The following RYR2 variants were observed in gnomAD, a reference collection of about 807,000 sequenced individuals.
The protein encoded by RYR2 is ryanodine receptor 2, also known as cardiac muscle ryanodine receptor-calcium release channel.
A neutral mutation model predicts 601.1 loss-of-function variants in RYR2; 227 were observed. That is an observed-to-expected ratio of 0.38 (90% CI 0.34 to 0.42). The LOEUF is 0.42. RYR2 is among the 10% of genes least tolerant of loss of function. The pLI is 1.00. For synonymous variants in RYR2, 2,223 were observed against 2,175.1 expected (o/e 1.02, Z -0.61); for missense variants, 4,646 against 6,156.5 (o/e 0.75, Z 8.21).
At chr1:237,335,127 C>T (rs777258369) in intron 3 of RYR2, among the ~76,000 whole-genome samples, 3 of 152,148 alleles carry the variant, frequency 2.0e-5, no homozygotes, top group Non-Finnish European at 4.4e-5. Context: ...CCAGTATTCT[C>T]ATCAATCCTG....
Position 237,666,704 on chromosome 1 carries a change from A to G in RYR2, c.8514+115A>G, listed in dbSNP as rs374361558. ...GTTTATTTGAATGTGGCGATCTATA[A>G]TGGATCCATGGAATTTATAGATTAT... On this transcript the variant is annotated intron_variant, in intron 57 of 104. Coordinates refer to ENST00000366574, the MANE Select transcript of RYR2 (RefSeq NM_001035.3). 415 of 769,606 alleles carry G rather than the reference A, an allele frequency of 5.4e-4. 3 individuals carry two copies. In the East Asian group the frequency reaches 0.011, roughly 21 times the overall value. The allele number at this position is 769,606 out of a possible 1,614,324, so 47.7% of individuals were successfully genotyped here.
intron 15 of RYR2, among the ~76,000 whole-genome samples, chr1:237,455,733 C>T (rs924152538): frequency 3.9e-5 from 6 of 152,090 alleles, no homozygotes; most frequent in Admixed American, 6.6e-5. Context: ...ACTGGGTATT[C>T]AAAAGAGATG....
rs534855125 is a variant in RYR2, at chr1:237,224,863, C to CA, written c.49-45626dup. Among the ~76,000 whole-genome samples, 74 of 151,858 alleles carry CA rather than the reference C, an allele frequency of 4.9e-4. 1 individual carries two copies. Among genetic ancestry groups the CA allele is most frequent in the Middle Eastern group, 6.8e-3 (2 of 292 alleles). Reference sequence around the variant, plus strand: ...TGACAGAGCAAGACTTTGTCATTTACAAAAAAAATTATAAGTTACTATTTT... The same window carrying CA: ...TGACAGAGCAAGACTTTGTCATTTACAAAAAAAAATTATAAGTTACTATTTT... On this transcript the variant is annotated intron_variant, in intron 1 of 104. Coordinates refer to ENST00000366574, the MANE Select transcript of RYR2 (RefSeq NM_001035.3).
At chr1:237,465,570 C>T (rs1191890592) in intron 16 of RYR2, among the ~76,000 whole-genome samples, 1 of 152,130 alleles carries the variant, frequency 6.6e-6, no homozygotes, top group African/African-American at 2.4e-5. Context: ...CACAAACCTC[C>T]GTGTTATAGC....
intron 3 of RYR2, among the ~76,000 whole-genome samples, chr1:237,351,695 C>G (rs1180764442): frequency 2.0e-5 from 3 of 151,658 alleles, no homozygotes; most frequent in Non-Finnish European, 4.4e-5. Flanking sequence ...ATAATTAAAG[C>G]CTTCTCACAA....
intron 60 of RYR2, among the ~76,000 whole-genome samples, chr1:237,675,600 C>T (rs953221846): frequency 6.6e-5 from 10 of 152,094 alleles, no homozygotes; most frequent in Non-Finnish European, 1.3e-4. Context: ...TTTTCATTTT[C>T]GTTCTCGACG....
intron 77 of RYR2, among the ~76,000 whole-genome samples, chr1:237,731,338 T>C (rs1482854338): frequency 6.6e-6 from 1 of 152,086 alleles, no homozygotes; most frequent in East Asian, 1.9e-4. Flanking sequence ...TTCCTCGCTA[T>C]TAAAGTTCTA....
intron 25 of RYR2, among the ~76,000 whole-genome samples, chr1:237,540,165 CTAGAGT>C (rs1443783519): frequency 6.6e-6 from 1 of 151,828 alleles, no homozygotes; most frequent in Non-Finnish European, 1.5e-5. Flanking sequence ...TTTGATGAGC[CTAGAGT>C]TAAATTATTA....
intron 21 of RYR2, 81 bp from the exon 22 acceptor site, chr1:237,503,208 A>G (rs1664848495): frequency 1.5e-6 from 2 of 1,311,232 alleles, no homozygotes; most frequent in Admixed American, 2.1e-5. Context: ...TGTACTAACA[A>G]TTTTTCCCTA....
chr1:237,281,601 A>C (rs1018825252), intron 2 of RYR2, among the ~76,000 whole-genome samples: 1 of 152,238 alleles, frequency 6.6e-6, no homozygotes, highest in Non-Finnish European at 1.5e-5. Context: ...TGTGCTTACA[A>C]AGTGCGTAGC....
intron 8 of RYR2, among the ~76,000 whole-genome samples, 185 bp from the exon 9 acceptor site, chr1:237,387,096 C>A (rs1161191906): frequency 6.6e-6 from 1 of 152,166 alleles, no homozygotes; most frequent in African/African-American, 2.4e-5. Flanking sequence ...GTTTAAAAAT[C>A]CGTAAATTCA....
intron 1 of RYR2, among the ~76,000 whole-genome samples, chr1:237,046,767 C>G (rs777223007): frequency 9.9e-5 from 15 of 152,096 alleles, no homozygotes; most frequent in Non-Finnish European, 1.8e-4. Context: ...AGATAGCTTT[C>G]GGGAGAGAGG....
chr1:237,678,545 T>C (rs1685598230), intron 61 of RYR2, among the ~76,000 whole-genome samples: 1 of 152,212 alleles, frequency 6.6e-6, no homozygotes, highest in African/African-American at 2.4e-5. Flanking sequence ...TTAGTCCTGC[T>C]CATTTTATGG....
chr1:237,520,194 A>C (rs761849991), intron 24 of RYR2, among the ~76,000 whole-genome samples: 1 of 152,206 alleles, frequency 6.6e-6, no homozygotes, highest in African/African-American at 2.4e-5. Context: ...TTATCAAATA[A>C]GAGTTTTTTG....
chr1:237,611,638 C>T (rs911844838), intron 36 of RYR2, among the ~76,000 whole-genome samples: 1 of 152,062 alleles, frequency 6.6e-6, no homozygotes, highest in Admixed American at 6.6e-5. Flanking sequence ...AGCTAAGTTT[C>T]TAAGTTTTGG....
intron 14 of RYR2, among the ~76,000 whole-genome samples, chr1:237,450,950 T>G (rs1658013963): frequency 6.6e-6 from 1 of 152,180 alleles, no homozygotes. Context: ...ATATTTATCC[T>G]TTAGTTGTAT....
chr1:237,129,416 TC>T (rs1350191127), intron 1 of RYR2, among the ~76,000 whole-genome samples: 2 of 152,160 alleles, frequency 1.3e-5, no homozygotes, highest in Non-Finnish European at 2.9e-5. Context: ...TGTCCAGGAT[TC>T]GGGAGAACAT....
chr1:237,780,813 A>ATAAG (rs1435718074), intron 88 of RYR2, among the ~76,000 whole-genome samples: 28 of 152,232 alleles, frequency 1.8e-4, no homozygotes, highest in Non-Finnish European at 3.1e-4. Context: ...AAATACATTT[A>ATAAG]TAAGTTTATC....
chr1:237,529,296 A>G (rs887021827), intron 24 of RYR2, among the ~76,000 whole-genome samples: 2 of 152,110 alleles, frequency 1.3e-5, no homozygotes, highest in African/African-American at 4.8e-5. Flanking sequence ...TGGTCTTCCC[A>G]TAGTTTTGCA....
Sources: gnomAD v4.1 joint callset for allele counts (sites outside exome capture counted in the v4.1 genomes callset) on GRCh38, gnomAD v4.1.1 for gene constraint, MANE v1.5 for transcripts, NCBI Gene and HGNC (gene_info 2026-07-23, HGNC 2026-07-21) for gene names.